CNTN5: variants seen among roughly 807,000 people sequenced by gnomAD.
CNTN5 encodes the protein contactin-5.
Under a neutral mutation model 129.1 loss-of-function variants are expected in CNTN5, and 77 were observed. The ratio of observed to expected loss-of-function variants is 0.60; its 90% confidence interval spans 0.50 to 0.72. The LOEUF (loss-of-function observed/expected upper bound fraction) is 0.72, where lower values mean the gene tolerates loss of function less well. Ranked by LOEUF, CNTN5 falls within the 30% of genes least tolerant of loss-of-function variation. The probability of loss-of-function intolerance (pLI) is 0.00; values close to 1 mark genes in which losing one functional copy is unlikely to be tolerated. For missense variants in CNTN5, 1,478 were observed against 1,328.8 expected, an observed-to-expected ratio of 1.11 and a Z score of -1.75; for synonymous variants, 509 against 465.6, an observed-to-expected ratio of 1.09 and a Z score of -1.20.
rs1381072774 is a variant in CNTN5, at chr11:99,607,851, CA to C, written c.55+51588del. ...CATTCTCAGTAAACTATCGCAAGAACAAAAAACCAAACACCGCATATTCTCA... is the reference window on the plus strand; with the variant it reads ...CATTCTCAGTAAACTATCGCAAGAACAAAAACCAAACACCGCATATTCTCA... On this transcript the variant is annotated intron_variant, in intron 3 of 24. Transcript: ENST00000524871. 3.9e-5 allele frequency among the ~76,000 whole-genome samples: 5 copies of C among 127,772 alleles called. No individual in the cohort carries two copies. The East Asian group carries it at 1.1e-3, about 28-fold the overall frequency. 83.8% of individuals were successfully genotyped at this position (127,772 alleles called of 152,430 possible). A position where few individuals can be genotyped will look rare whatever the true frequency, so the allele number is the denominator to read the frequency against.
intron 9 of CNTN5, among the ~76,000 whole-genome samples, chr11:100,056,808 A>G (rs1194439986): frequency 6.6e-6 from 1 of 151,716 alleles, no homozygotes; most frequent in African/African-American, 2.4e-5. Context: ...AATACTTTGC[A>G]TCTATTGATA....
chr11:99,365,575 CA>C (rs1169904450), intron 2 of CNTN5, among the ~76,000 whole-genome samples: 2 of 152,126 alleles, frequency 1.3e-5, no homozygotes, highest in Admixed American at 1.3e-4. Context: ...TCATTTCAAA[CA>C]GTGTAATAAA....
At chr11:99,493,469 T>C (rs111826105) in intron 2 of CNTN5, among the ~76,000 whole-genome samples, 4,391 of 152,326 alleles carry the variant, frequency 0.029, 83 homozygotes, top group Middle Eastern at 0.065. Flanking sequence ...TTTGCCATAA[T>C]GAGCAGTAGC....
chr11:99,692,342 A>G (rs1954073876), intron 3 of CNTN5, among the ~76,000 whole-genome samples: 1 of 151,962 alleles, frequency 6.6e-6, no homozygotes, highest in Admixed American at 6.6e-5. Context: ...TCACTGTTCT[A>G]TGTATTTCAG....
intron 1 of CNTN5, among the ~76,000 whole-genome samples, chr11:99,172,518 T>C (rs1187062425): frequency 6.6e-6 from 1 of 152,172 alleles, no homozygotes; most frequent in Non-Finnish European, 1.5e-5. Context: ...AGTCAGAAAA[T>C]TTTCATTGAT....
intron 3 of CNTN5, among the ~76,000 whole-genome samples, chr11:99,654,490 G>A (rs1163734012): frequency 6.6e-6 from 1 of 152,004 alleles, no homozygotes; most frequent in Non-Finnish European, 1.5e-5. Flanking sequence ...GGGGTAGTAT[G>A]GGACCAATGG....
intron 1 of CNTN5, among the ~76,000 whole-genome samples, chr11:99,276,004 C>T (rs951635515): frequency 6.6e-6 from 1 of 151,602 alleles, no homozygotes; most frequent in African/African-American, 2.4e-5. Context: ...TTCTCTGCCC[C>T]ACTCTTTTCC....
At chr11:100,042,031 G>C (rs763679089) in intron 9 of CNTN5, among the ~76,000 whole-genome samples, 2 of 152,066 alleles carry the variant, frequency 1.3e-5, no homozygotes, top group Admixed American at 6.6e-5. Context: ...TAATCATTTG[G>C]AGACTGCGAC....
At chr11:99,460,842 A>G (rs1944671095) in intron 2 of CNTN5, among the ~76,000 whole-genome samples, 1 of 152,032 alleles carries the variant, frequency 6.6e-6, no homozygotes, top group African/African-American at 2.4e-5. Context: ...ATAGTAAAAT[A>G]CATATACCTC....
chr11:99,393,455 T>C lies in CNTN5; in HGVS notation c.-71+67971T>C, dbSNP rs372234769. On this transcript the variant is annotated intron_variant, in intron 2 of 24. Transcript: ENST00000524871. The stretch of plus-strand genomic sequence containing the variant: ...TATTGTTTATTCTCACAACTGTATA[T>C]GGTAGGTAGTGTTGTCACCTCTTTT... Among the ~76,000 whole-genome samples the C allele has an allele frequency of 2.2e-4, 33 of 151,878 alleles. No homozygotes were observed. In the East Asian group the frequency reaches 3.5e-3, roughly 16 times the overall value.
Position 99,422,516 on chromosome 11 carries a change from TTTTATATATATATATATATA to T in CNTN5, c.-71+97034_-71+97053del, listed in dbSNP as rs796108796. Among the ~76,000 whole-genome samples, 127 of 100,416 alleles carry T rather than the reference TTTTATATATATATATATATA, an allele frequency of 1.3e-3. 1 individual carries two copies. Among genetic ancestry groups the T allele is most frequent in the East Asian group, 5.4e-3 (19 of 3,538 alleles). The allele number at this position is 100,416 out of a possible 152,430, so 65.9% of individuals were successfully genotyped here. A position where few individuals can be genotyped will look rare whatever the true frequency, so the allele number is the denominator to read the frequency against. The stretch of plus-strand genomic sequence containing the variant: ...AAAAGCGATTCATGTTACTTTATAT[TTTTATATATATATATATATA>T]TATATATATATATATATATATATAT... On this transcript the variant is annotated intron_variant, in intron 2 of 24. Coordinates refer to ENST00000524871, the MANE Select transcript of CNTN5 (RefSeq NM_014361.4).
At chr11:99,666,685 T>C (rs910822292) in intron 3 of CNTN5, among the ~76,000 whole-genome samples, 1 of 152,058 alleles carries the variant, frequency 6.6e-6, no homozygotes, top group African/African-American at 2.4e-5. Flanking sequence ...ATCAGAAGAA[T>C]TACAAGCCTT....
At chr11:99,676,670 CAT>C (rs1953298169) in intron 3 of CNTN5, among the ~76,000 whole-genome samples, 1 of 152,038 alleles carries the variant, frequency 6.6e-6, no homozygotes, top group Admixed American at 6.6e-5. Flanking sequence ...TTAAGAAAAA[CAT>C]ATGTAACAAA....
At chr11:100,224,894 C>A in intron 16 of CNTN5, 82 bp downstream of exon 16, 1 of 1,304,822 alleles carries the variant, frequency 7.7e-7, no homozygotes, top group Non-Finnish European at 1.1e-6. Context: ...GGACTTTGAG[C>A]ACATCAGTAC....
chr11:99,389,913 A>T (rs1322891439), intron 2 of CNTN5, among the ~76,000 whole-genome samples: 1 of 152,198 alleles, frequency 6.6e-6, no homozygotes, highest in African/African-American at 2.4e-5. Context: ...AAGTGTGATT[A>T]CTTTTGGAAT....
At chr11:99,191,199 C>G (rs1157636874) in intron 1 of CNTN5, among the ~76,000 whole-genome samples, 1 of 151,650 alleles carries the variant, frequency 6.6e-6, no homozygotes, top group Non-Finnish European at 1.5e-5. Flanking sequence ...TTCACTTGAT[C>G]ATGGTGAATA....
intron 2 of CNTN5, among the ~76,000 whole-genome samples, chr11:99,441,822 A>C (rs1047444496): frequency 2.0e-5 from 3 of 152,220 alleles, no homozygotes; most frequent in African/African-American, 7.2e-5. Flanking sequence ...CATTGTTATG[A>C]AAAGGCTAAA....
chr11:99,463,243 C>A (rs2135243044), intron 2 of CNTN5, among the ~76,000 whole-genome samples: 1 of 150,976 alleles, frequency 6.6e-6, no homozygotes, highest in South Asian at 2.1e-4. Flanking sequence ...TCGAGACCAT[C>A]CTGGCTAACA....
intron 3 of CNTN5, among the ~76,000 whole-genome samples, chr11:99,570,713 T>A (rs1949149289): frequency 6.6e-6 from 1 of 152,140 alleles, no homozygotes; most frequent in Non-Finnish European, 1.5e-5. Flanking sequence ...ACAGACACTT[T>A]AGCAAGAAAT....
Sources: gnomAD v4.1 joint callset for allele counts (sites outside exome capture counted in the v4.1 genomes callset) on GRCh38, gnomAD v4.1.1 for gene constraint, MANE v1.5 for transcripts, NCBI Gene and HGNC (gene_info 2026-07-23, HGNC 2026-07-21) for gene names.